Variants in ZNF500 observed in about 807,000 individuals in gnomAD.
ZNF500 encodes the protein zinc finger protein 500.
A neutral mutation model predicts 30.1 loss-of-function variants in ZNF500; 31 were observed. The observed-to-expected ratio is 1.03, with a 90% CI of 0.77 to 1.39. The LOEUF is 1.39. ZNF500 is among the 40% of genes most tolerant of loss of function. The probability of loss-of-function intolerance (pLI) is 0.00; values close to 1 mark genes in which losing one functional copy is unlikely to be tolerated. For synonymous variants in ZNF500, 392 were observed against 282.0 expected (o/e 1.39, Z -3.91); for missense variants, 817 against 657.8 (o/e 1.24, Z -2.65).
In ZNF500 at chr16:4,751,027, A is replaced by G. The variant is rs2082071898; in HGVS notation, c.*1349T>C. The G allele has an allele frequency of 6.5e-6, 1 of 154,398 alleles. No homozygotes were observed. The highest frequency in any genetic ancestry group is 6.4e-5 in the Admixed American group (1 of 15,552). The allele number at this position is 154,398 out of a possible 1,614,324, so 9.6% of individuals were successfully genotyped here. A position where few individuals can be genotyped will look rare whatever the true frequency, so the allele number is the denominator to read the frequency against. On this transcript the variant is annotated 3_prime_UTR_variant, in exon 6 of 6. Coordinates refer to ENST00000219478, the MANE Select transcript of ZNF500 (RefSeq NM_021646.4). ...GTGCCAAAAGGTCAAATGTGCACGTATATACAGTGACTAGGTGACAAATGC... is the reference window on the plus strand; with the variant it reads ...GTGCCAAAAGGTCAAATGTGCACGTGTATACAGTGACTAGGTGACAAATGC...
intron 3 of ZNF500, 61 bp from the exon 4 acceptor site, chr16:4,762,396 C>G: frequency 6.5e-7 from 1 of 1,547,056 alleles, no homozygotes; most frequent in Non-Finnish European, 8.7e-7. Flanking sequence ...CCTGCCGTCC[C>G]CTGCACACCA....
downstream of ZNF500, chr16:4,747,021 C>T (rs1481282183): frequency 3.7e-5 from 57 of 1,530,056 alleles, no homozygotes; most frequent in Non-Finnish European, 5.0e-5. Flanking sequence ...CTCCCTGGGG[C>T]TACGGTAACC....
At position 4,760,165 on chromosome 16, in the gene ZNF500, T is replaced by C. The variant is rs149329906; in HGVS notation, c.760+327A>G. ...GTAACAGGCAGGGCAGTGCTCAGTG[T>C]GATGGGGAGAGGCTGGAGAACCAGG... is the stretch of plus-strand genomic sequence containing the variant. On this transcript the variant is annotated intron_variant, in intron 5 of 5. Transcript: ENST00000219478. 8.5e-5 allele frequency among the ~76,000 whole-genome samples: 13 copies of C among 152,190 alleles called. No homozygotes were observed. The East Asian group carries it at 1.5e-3, about 18-fold the overall frequency.
chr16:4,760,555 G>T lies in ZNF500; in HGVS notation c.697C>A (p.Leu233Ile), dbSNP rs781002026. 6.2e-7 allele frequency: 1 copy of T among 1,613,504 alleles called. No individual in the cohort carries two copies. Among genetic ancestry groups the T allele is most frequent in the East Asian group, 2.2e-5 (1 of 44,860 alleles). The change falls in exon 5 of 6, where the codon CTT becomes ATT. Residue 233 changes from leucine to isoleucine, a missense_variant. Leu to Ile is a conservative substitution (Grantham distance 5). Coordinates refer to ENST00000219478, the MANE Select transcript of ZNF500 (RefSeq NM_021646.4). ...ATGCATCTTGGCTCCTCCCCAGAAA[G>T]GTATACAGCCACGTCCTCCAAGTTC... ...PVNLEDVAVY[L>I]SGEEPRCMDP... is the part of the protein sequence containing the mutation.
chr16:4,747,515 G>C (rs1338588673), downstream of ZNF500: 6 of 1,613,132 alleles, frequency 3.7e-6, no homozygotes, highest in Admixed American at 3.3e-5. Context: ...CTGTGCCAAG[G>C]GGCAGAGCGC....
At chr16:4,745,088 C>T, downstream of ZNF500, 5 of 1,525,474 alleles carry the variant, frequency 3.3e-6, no homozygotes, top group East Asian at 2.3e-5. Flanking sequence ...ACTGGGCCTA[C>T]CAAGGGCGGG....
Position 4,752,966 on chromosome 16 carries a change from C to G in ZNF500, c.853G>C (p.Gly285Arg), listed in dbSNP as rs750840364. The change falls in exon 6 of 6, where the codon GGG becomes CGG. Residue 285 changes from glycine (G) to arginine (R), a missense_variant. Coordinates refer to ENST00000219478, the MANE Select transcript of ZNF500 (RefSeq NM_021646.4). ...WYRVLSARCQ[G>R]PGHPLPGQRP... ...TGACCTGGGAGCGGGTGGCCAGGCC[C>G]CTGGCATCGTGCCGAGAGCACTCGG... The G allele has an allele frequency of 6.2e-7, 1 of 1,608,144 alleles. No individual in the cohort carries two copies. The highest frequency in any genetic ancestry group is 8.5e-7 in the Non-Finnish European group (1 of 1,177,468).
chr16:4,754,339 T>G (rs967659013), intron 5 of ZNF500, among the ~76,000 whole-genome samples: 1 of 152,066 alleles, frequency 6.6e-6, no homozygotes, highest in Non-Finnish European at 1.5e-5. Context: ...GTTTGGCACG[T>G]ACTGAGCCTC....
At chr16:4,746,660 G>C, downstream of ZNF500, 1 of 1,121,776 alleles carries the variant, frequency 8.9e-7, no homozygotes, top group Admixed American at 2.9e-5. Context: ...CTGGCCTACA[G>C]TCCCCCTGGG....
In ZNF500 at chr16:4,749,472, A is replaced by T. The variant is rs1250536958; in HGVS notation, c.*2904T>A. 6.5e-6 allele frequency: 1 copy of T among 154,438 alleles called. No homozygotes were observed. The highest frequency in any genetic ancestry group is 1.5e-5 in the Non-Finnish European group (1 of 68,246). The allele number at this position is 154,438 out of a possible 1,614,324, so 9.6% of individuals were successfully genotyped here. On this transcript the variant is annotated 3_prime_UTR_variant, in exon 6 of 6. Transcript: ENST00000219478. ...ACCTGCGTCCAAAGCTGGCTCTGCC[A>T]CCTGGGCAAGGTTTTCACGCTCCCA... is the stretch of plus-strand genomic sequence containing the variant.
chr16:4,758,086 C>T (rs1473532635), intron 5 of ZNF500, among the ~76,000 whole-genome samples: 2 of 151,908 alleles, frequency 1.3e-5, no homozygotes, highest in African/African-American at 4.8e-5. Context: ...TTAATAGAGA[C>T]AGGGTTTCAC....
downstream of ZNF500, chr16:4,744,877 GGTGCC>G: frequency 6.2e-7 from 1 of 1,612,700 alleles, no homozygotes; most frequent in Non-Finnish European, 8.5e-7. Flanking sequence ...CAGACCGCAT[GGTGCC>G]GAGCGCCCAC....
At chr16:4,761,980 G>A (rs977067431) in intron 4 of ZNF500, among the ~76,000 whole-genome samples, 2 of 152,216 alleles carry the variant, frequency 1.3e-5, no homozygotes, top group African/African-American at 4.8e-5. Flanking sequence ...AGTCCCAAGA[G>A]ATTCCTGTGC....
rs545511687 is a variant in ZNF500 at position 4,760,452 on chromosome 16, T to C, written c.760+40A>G. The C allele has an allele frequency of 6.0e-5, 96 of 1,591,472 alleles. No homozygotes were observed. In the South Asian group the frequency reaches 7.3e-4, roughly 12 times the overall value. ...AGCTGGTGCCTGACAGTTCCTATTT[T>C]TGGCAAGCCCCCTAGAGGACACAAT... On this transcript the variant is annotated intron_variant, in intron 5 of 5. Coordinates refer to ENST00000219478, the MANE Select transcript of ZNF500 (RefSeq NM_021646.4).
intron 2 of ZNF500, among the ~76,000 whole-genome samples, chr16:4,764,918 T>A (rs547735310): frequency 3.2e-4 from 48 of 152,268 alleles, no homozygotes; most frequent in African/African-American, 1.1e-3. Context: ...GTGCCCCCCA[T>A]GCCCCTGGTC....
chr16:4,756,193 T>C (rs1050369870), intron 5 of ZNF500: 1 of 152,026 alleles, frequency 6.6e-6, no homozygotes, highest in African/African-American at 2.4e-5. Context: ...ACGTCAGGAG[T>C]TCTCGCCAAC....
chr16:4,763,824 C>T (rs1596506563), intron 2 of ZNF500: 7 of 985,318 alleles, frequency 7.1e-6, no homozygotes, highest in Admixed American at 6.1e-5. Context: ...TTTCTGACTG[C>T]GGTCAGCTCA....
intron 4 of ZNF500, among the ~76,000 whole-genome samples, chr16:4,761,258 G>A (rs996007348): frequency 1.3e-5 from 2 of 151,956 alleles, no homozygotes; most frequent in Non-Finnish European, 2.9e-5. Context: ...CCAACATGGT[G>A]AAACCCCATC....
rs2082057483 is a variant in ZNF500 at position 4,749,417 on chromosome 16, C to A, written c.*2959G>T. The stretch of plus-strand genomic sequence containing the variant: ...TTCAACTCTGAATTACTGTGTCTGT[C>A]AAGGCAAGGGGAGTGAGGTAGGAAG... On this transcript the variant is annotated 3_prime_UTR_variant, in exon 6 of 6. Coordinates refer to ENST00000219478, the MANE Select transcript of ZNF500 (RefSeq NM_021646.4). The A allele has an allele frequency of 6.5e-6, 1 of 154,428 alleles. No individual in the cohort carries two copies. The allele number at this position is 154,428 out of a possible 1,614,324, so 9.6% of individuals were successfully genotyped here.
Sources: gnomAD v4.1 joint callset for allele counts (sites outside exome capture counted in the v4.1 genomes callset) on GRCh38, gnomAD v4.1.1 for gene constraint, MANE v1.5 for transcripts, NCBI Gene and HGNC (gene_info 2026-07-23, HGNC 2026-07-21) for gene names.